MAP3K4: variants seen among roughly 807,000 people sequenced by gnomAD.
MAP3K4 encodes the protein MAP three kinase 1.
In MAP3K4, 67 loss-of-function variants were observed where a neutral mutation model predicts 185.6. That is an observed-to-expected ratio of 0.36 (90% CI 0.30 to 0.44). The LOEUF (loss-of-function observed/expected upper bound fraction) is 0.44. MAP3K4 is among the 20% of genes least tolerant of loss of function. The probability of loss-of-function intolerance (pLI) is 1.00; values close to 1 mark genes in which losing one functional copy is unlikely to be tolerated. For synonymous variants in MAP3K4, 702 were observed against 710.4 expected, an observed-to-expected ratio of 0.99 and a Z score of 0.19; for missense variants, 1,551 against 1,995.1, an observed-to-expected ratio of 0.78 and a Z score of 4.24.
Position 161,056,630 on chromosome 6 carries a change from C to G in MAP3K4, c.1707+6651C>G, listed in dbSNP as rs1784248059. On this transcript the variant is annotated intron_variant, in intron 3 of 26. Coordinates refer to ENST00000392142, the MANE Select transcript of MAP3K4 (RefSeq NM_005922.4). This position sits in a 1 kb window ranked among gnomAD's most constrained non-coding sequence, Gnocchi z 5.4. ...TGTAAAGTAGTTTCAGAATTGCTAA[C>G]CAGTACCCCTGTGAGGAATAAATTT... 6.6e-6 allele frequency among the ~76,000 whole-genome samples: 1 copy of G among 152,126 alleles called. No homozygotes were observed. The highest frequency in any genetic ancestry group is 1.5e-5 in the Non-Finnish European group (1 of 68,022).
chr6:161,085,062 C>A (rs1269139020), intron 7 of MAP3K4, among the ~76,000 whole-genome samples: 1 of 151,798 alleles, frequency 6.6e-6, no homozygotes, highest in Non-Finnish European at 1.5e-5. Context: ...CAGAAAATTT[C>A]TTGAACCCAG....
chr6:161,029,524 G>A (rs528182612), intron 1 of MAP3K4, among the ~76,000 whole-genome samples: 2 of 152,222 alleles, frequency 1.3e-5, no homozygotes, highest in South Asian at 4.2e-4. Context: ...ACTTTAGCAG[G>A]GTTTTATGGT....
At position 161,102,792 on chromosome 6, in the gene MAP3K4, G is replaced by C; in HGVS notation, c.3856+13G>C. The C allele has an allele frequency of 1.2e-6, 1 of 808,426 alleles. No individual in the cohort carries two copies. The highest frequency in any genetic ancestry group is 1.9e-6 in the Non-Finnish European group (1 of 524,744). The allele number at this position is 808,426 out of a possible 1,614,324, so 50.1% of individuals were successfully genotyped here. On this transcript the variant is annotated intron_variant, in intron 19 of 26. Transcript: ENST00000392142. ...AGCCAGAGTAAAGGTGAGAGAAAGA[G>C]TGTTGAAGTTAAAAAAAAAAAAAAA...
rs1784929610 is a variant in MAP3K4, at chr6:161,071,280, T to C, written c.1950+430T>C. On this transcript the variant is annotated intron_variant, in intron 4 of 26. Transcript: ENST00000392142. The surrounding 1 kb of genome is among the most constrained non-coding windows in gnomAD (Gnocchi z 4.6). ...GTATGGTTTAAACAGTAGTGACAGC[T>C]TATGATTTCTTCGTTGTTGTTCATT... 6.6e-6 allele frequency among the ~76,000 whole-genome samples: 1 copy of C among 152,224 alleles called. No individual in the cohort carries two copies. The highest frequency in any genetic ancestry group is 2.4e-5 in the African/African-American group (1 of 41,454).
At position 161,022,524 on chromosome 6, in the gene MAP3K4, A is replaced by G. The variant is rs570188531; in HGVS notation, c.153-11735A>G. 1.6e-4 allele frequency among the ~76,000 whole-genome samples: 24 copies of G among 152,280 alleles called. No homozygotes were observed. In the Middle Eastern group the frequency reaches 0.014, roughly 86 times the overall value. On this transcript the variant is annotated intron_variant, in intron 1 of 26. Transcript: ENST00000392142. The surrounding 1 kb of genome is among the most constrained non-coding windows in gnomAD (Gnocchi z 4.2). ...CATACTTTCTCCTGGTCTCTCTCTCATGCTATGCTCTCTCTCCACCTGGAG... is the reference window on the plus strand; with the variant it reads ...CATACTTTCTCCTGGTCTCTCTCTCGTGCTATGCTCTCTCTCCACCTGGAG...
chr6:161,094,543 T>G (rs1343029926), intron 15 of MAP3K4, among the ~76,000 whole-genome samples: 5 of 152,224 alleles, frequency 3.3e-5, no homozygotes, highest in African/African-American at 9.7e-5. Context: ...CAAAACTGTA[T>G]TTGTAAGTAA....
chr6:161,089,270 A>G lies in MAP3K4; in HGVS notation c.2824-52A>G, dbSNP rs147480350. On this transcript the variant is annotated intron_variant, in intron 10 of 26. Transcript: ENST00000392142. ...TTTGGACTGGTGTTGAACTAGAATA[A>G]CAACTAGTAACTGGGTTGGTTTTTA... 4.6e-5 allele frequency: 73 copies of G among 1,578,836 alleles called. No homozygotes were observed. In the East Asian group the frequency reaches 1.6e-3, roughly 35 times the overall value.
rs1778124628 is a variant in MAP3K4 at position 161,107,232 on chromosome 6, C to T, written c.4048+527C>T. ...GGGAAGAAGTCTTGTGTTTCAGATC[C>T]TTTCCCCACTTAAATATATTTATCT... On this transcript the variant is annotated intron_variant, in intron 20 of 26. Coordinates refer to ENST00000392142, the MANE Select transcript of MAP3K4 (RefSeq NM_005922.4). This position sits in a 1 kb window ranked among gnomAD's most constrained non-coding sequence, Gnocchi z 6.2. Among the ~76,000 whole-genome samples, 1 of 152,112 alleles carries T rather than the reference C, an allele frequency of 6.6e-6. No homozygotes were observed. The highest frequency in any genetic ancestry group is 6.5e-5 in the Admixed American group (1 of 15,270).
chr6:161,045,227 G>A (rs1783672736), intron 2 of MAP3K4, among the ~76,000 whole-genome samples: 1 of 150,484 alleles, frequency 6.6e-6, no homozygotes, highest in Non-Finnish European at 1.5e-5. Flanking sequence ...GTTTTGGGGT[G>A]GGGGGGAACA....
intron 1 of MAP3K4, among the ~76,000 whole-genome samples, chr6:161,027,965 C>T (rs1782750023): frequency 6.6e-6 from 1 of 152,206 alleles, no homozygotes. Context: ...GCTTCTCCTT[C>T]ATGCACTTCT....
At chr6:161,010,603 C>T (rs1347447090) in intron 1 of MAP3K4, among the ~76,000 whole-genome samples, 3 of 152,080 alleles carry the variant, frequency 2.0e-5, no homozygotes, top group Admixed American at 1.3e-4. Context: ...TTTGTTTAAT[C>T]GGAGCAGATA....
rs1393685887 is a variant in MAP3K4, at chr6:161,082,066, A to T, written c.2255+1028A>T. ...TGTTCAGTCTCGGAATCTCGTATCC[A>T]CTTCTCTGTTCTAATGGCCAGTTCT... is the stretch of plus-strand genomic sequence containing the variant. On this transcript the variant is annotated intron_variant, in intron 6 of 26. Transcript: ENST00000392142. This position sits in a 1 kb window ranked among gnomAD's most constrained non-coding sequence, Gnocchi z 4.2. Among the ~76,000 whole-genome samples, 3 of 151,666 alleles carry T rather than the reference A, an allele frequency of 2.0e-5. No homozygotes were observed. The highest frequency in any genetic ancestry group is 4.4e-5 in the Non-Finnish European group (3 of 67,928).
chr6:161,109,896 G>C lies in MAP3K4; in HGVS notation c.4378G>C (p.Val1460Leu), dbSNP rs938357066. 2 of 1,614,068 alleles carry C rather than the reference G, an allele frequency of 1.2e-6. No individual in the cohort carries two copies. Among genetic ancestry groups the C allele is most frequent in the Non-Finnish European group, 1.7e-6 (2 of 1,180,026 alleles). The change falls in exon 23 of 27, where the codon GTC (valine) becomes CTC (leucine). Residue 1460 changes from valine (V) to leucine (L), a missense_variant. By Grantham distance (32) the Val-to-Leu change is conservative. This residue lies in a region of MAP3K4 where 159 missense variants were observed against 300.5 expected (regional missense o/e 0.53). Coordinates refer to ENST00000392142, the MANE Select transcript of MAP3K4 (RefSeq NM_005922.4). This position sits in a 1 kb window ranked among gnomAD's most constrained non-coding sequence, Gnocchi z 5.7. The stretch of plus-strand genomic sequence containing the variant: ...CAACGTCCTCCATGAGCATGGCATA[G>C]TCCACCGTGACATTAAAGGTAATCC... The part of the protein sequence containing the change: ...AINVLHEHGI[V>L]HRDIKGANIF...
chr6:161,085,458 T>G (rs944936105), intron 7 of MAP3K4, among the ~76,000 whole-genome samples: 4 of 152,228 alleles, frequency 2.6e-5, no homozygotes, highest in African/African-American at 7.2e-5. Flanking sequence ...ATCAGGCGTA[T>G]AGCAACTTTG....
chr6:161,055,487 A>G (rs1784187009), intron 3 of MAP3K4, among the ~76,000 whole-genome samples: 1 of 152,232 alleles, frequency 6.6e-6, no homozygotes, highest in Admixed American at 6.5e-5. Flanking sequence ...ACGCCTTAAT[A>G]TTGACTTCTC....
chr6:161,000,481 G>A (rs970691458), intron 1 of MAP3K4, among the ~76,000 whole-genome samples: 1 of 152,158 alleles, frequency 6.6e-6, no homozygotes, highest in Non-Finnish European at 1.5e-5. Context: ...GTCTCTCAAG[G>A]TTGTTCTCTT....
Position 160,991,957 on chromosome 6 carries a change from T to C in MAP3K4, c.26T>C (p.Val9Ala). ...ATGAGAGAAGCCGCTGCCGCGCTGG[T>C]CCCTCCTCCCGCCTTTGCCGTCACG... MREAAAAL[V>A]PPPAFAVTPA... Residue 9 changes from valine (V) to alanine (A), a missense_variant, in exon 1 of 27, where the codon GTC becomes GCC. By Grantham distance (64) the Val-to-Ala change is moderately conservative (BLOSUM62 0). This residue lies in a region of MAP3K4 where 287 missense variants were observed against 268.8 expected (regional missense o/e 1.07). Transcript: ENST00000392142. The surrounding 1 kb of genome is among the most constrained non-coding windows in gnomAD (Gnocchi z 5.7). 6.5e-7 allele frequency: 1 copy of C among 1,543,210 alleles called. No homozygotes were observed. Among genetic ancestry groups the C allele is most frequent in the Non-Finnish European group, 8.7e-7 (1 of 1,152,962 alleles).
At position 161,037,700 on chromosome 6, in the gene MAP3K4, G is replaced by A. The variant is rs1325230780; in HGVS notation, c.343+3251G>A. Among the ~76,000 whole-genome samples, 9 of 152,162 alleles carry A rather than the reference G, an allele frequency of 5.9e-5. No individual in the cohort carries two copies. Among genetic ancestry groups the A allele is most frequent in the Non-Finnish European group, 1.0e-4 (7 of 68,018 alleles). ...CCCAAAGTGCTGGGATTATAGGCAC[G>A]AGCAACCATGACCGGTTGTAAAGTC... is the stretch of plus-strand genomic sequence containing the variant. On this transcript the variant is annotated intron_variant, in intron 2 of 26. Coordinates refer to ENST00000392142, the MANE Select transcript of MAP3K4 (RefSeq NM_005922.4). This position sits in a 1 kb window ranked among gnomAD's most constrained non-coding sequence, Gnocchi z 4.2.
rs545094295 is a variant in MAP3K4 at position 161,037,941 on chromosome 6, C to G, written c.343+3492C>G. Among the ~76,000 whole-genome samples the G allele has an allele frequency of 2.0e-5, 3 of 152,246 alleles. No individual in the cohort carries two copies. In the East Asian group the frequency reaches 5.8e-4, roughly 29 times the overall value. ...CCTTGTATGTCTTCCTAGTCCTTCG[C>G]TTTATCTCACTACATAATGCTGCTA... On this transcript the variant is annotated intron_variant, in intron 2 of 26. Coordinates refer to ENST00000392142, the MANE Select transcript of MAP3K4 (RefSeq NM_005922.4). The surrounding 1 kb of genome is among the most constrained non-coding windows in gnomAD (Gnocchi z 4.2).
Sources: gnomAD v4.1 joint callset for allele counts (sites outside exome capture counted in the v4.1 genomes callset) on GRCh38, gnomAD v4.1.1 for gene constraint, gnomAD v4.1.1 regional missense constraint, Gnocchi (gnomAD v3.1) non-coding constraint, MANE v1.5 for transcripts, NCBI Gene and HGNC (gene_info 2026-07-23, HGNC 2026-07-21) for gene names.